SMU1: variants seen among roughly 807,000 people sequenced by gnomAD.
SMU1 encodes the protein SMU1 DNA replication regulator and spliceosomal factor.
SMU1 carries 2 observed loss-of-function variants against 62.0 expected under a neutral mutation model. The ratio of observed to expected loss-of-function variants is 0.03; its 90% confidence interval spans 0.01 to 0.10. SMU1 has a LOEUF of 0.10. Ranked by LOEUF, SMU1 falls within the 10% of genes least tolerant of loss-of-function variation. The probability of loss-of-function intolerance (pLI) is 1.00; values close to 1 mark genes in which losing one functional copy is unlikely to be tolerated. For synonymous variants in SMU1, 188 were observed against 212.4 expected (o/e 0.89, Z 1.00); for missense variants, 227 against 622.1 (o/e 0.36, Z 6.76).
At chr9:33,066,486 GCT>G in intron 4 of SMU1, among the ~76,000 whole-genome samples, 1 of 133,838 alleles carries the variant, frequency 7.5e-6, no homozygotes, top group South Asian at 2.6e-4. Context: ...ACACAGCAAG[GCT>G]CTGTGTTCCA....
chr9:33,048,997 T>C (rs1056400131), intron 10 of SMU1, among the ~76,000 whole-genome samples: 1 of 152,250 alleles, frequency 6.6e-6, no homozygotes, highest in Non-Finnish European at 1.5e-5. Flanking sequence ...AGAGATATTC[T>C]ATGTTCATGA....
At chr9:33,056,999 C>T in intron 7 of SMU1, 35 bp from the exon 8 acceptor site, 1 of 1,588,630 alleles carries the variant, frequency 6.3e-7, no homozygotes, top group South Asian at 1.1e-5. Context: ...TTAAAAAAAC[C>T]TTGTTAAGTG....
intron 9 of SMU1, among the ~76,000 whole-genome samples, chr9:33,054,724 A>G (rs17227872): frequency 0.07 from 10,724 of 152,284 alleles, 511 homozygotes; most frequent in Non-Finnish European, 0.11. Flanking sequence ...CATGGAGCTT[A>G]GCAGAAAGCA....
At chr9:33,051,475 T>C (rs1839248259) in intron 10 of SMU1, among the ~76,000 whole-genome samples, 1 of 152,194 alleles carries the variant, frequency 6.6e-6, no homozygotes, top group Admixed American at 6.5e-5. Flanking sequence ...TGTGTGTTAA[T>C]GATGTACCAA....
intron 6 of SMU1, among the ~76,000 whole-genome samples, chr9:33,058,702 C>T (rs987190147): frequency 1.3e-5 from 2 of 151,914 alleles, no homozygotes; most frequent in Non-Finnish European, 2.9e-5. Flanking sequence ...CAACTTTATC[C>T]CGCTAAACAA....
chr9:33,074,124 T>C (rs1245796399), intron 1 of SMU1, among the ~76,000 whole-genome samples: 1 of 152,192 alleles, frequency 6.6e-6, no homozygotes, highest in Non-Finnish European at 1.5e-5. Context: ...TGTAGCACAC[T>C]TCACTGAAAT....
At chr9:33,054,585 C>T (rs1230370320) in intron 9 of SMU1, among the ~76,000 whole-genome samples, 1 of 152,128 alleles carries the variant, frequency 6.6e-6, no homozygotes, top group African/African-American at 2.4e-5. Flanking sequence ...AATCAGGTAG[C>T]ACAGAAATCT....
chr9:33,056,336 A>C, intron 8 of SMU1, 97 bp from the exon 9 acceptor site: 115 of 1,231,980 alleles, frequency 9.3e-5, no homozygotes, highest in Non-Finnish European at 1.1e-4. Context: ...ACAGAAGCTC[A>C]TGTTATAATA....
At chr9:33,064,817 A>G (rs1358519503) in intron 4 of SMU1, among the ~76,000 whole-genome samples, 1 of 151,194 alleles carries the variant, frequency 6.6e-6, no homozygotes, top group Non-Finnish European at 1.5e-5. Context: ...ATCTTGGCTC[A>G]CTGCAAACTC....
At chr9:33,069,504 T>G (rs1487904627) in intron 3 of SMU1, among the ~76,000 whole-genome samples, 1 of 152,208 alleles carries the variant, frequency 6.6e-6, no homozygotes, top group Non-Finnish European at 1.5e-5. Context: ...GACAAGGGAT[T>G]AATAACCAGA....
chr9:33,074,306 TTTTTTAAA>T (rs1431184497), intron 1 of SMU1, among the ~76,000 whole-genome samples: 1 of 152,120 alleles, frequency 6.6e-6, no homozygotes, highest in East Asian at 1.9e-4. Context: ...CTACAAATTT[TTTTTTAAA>T]TTAGCCAAAC....
chr9:33,056,065 C>A (rs1483380781), intron 9 of SMU1, 48 bp downstream of exon 9: 2 of 1,561,632 alleles, frequency 1.3e-6, no homozygotes, highest in South Asian at 1.2e-5. Context: ...CCTCAAAGGA[C>A]AAAGATGGGG....
At chr9:33,063,466 C>G (rs1381883542) in intron 4 of SMU1, among the ~76,000 whole-genome samples, 1 of 152,160 alleles carries the variant, frequency 6.6e-6, no homozygotes, top group Non-Finnish European at 1.5e-5. Context: ...TGTTTATTCC[C>G]CTTTCCTTTT....
chr9:33,063,067 A>T (rs1308326470), intron 4 of SMU1, among the ~76,000 whole-genome samples: 2 of 152,224 alleles, frequency 1.3e-5, no homozygotes, highest in Non-Finnish European at 2.9e-5. Flanking sequence ...CGGGAAAAAA[A>T]GCCTAATTCG....
In SMU1 at chr9:33,047,001, AGAG is replaced by A. The variant is rs1443311594; in HGVS notation, c.*289_*291del. ...ATTTTCCTCAGCATTTCAAATAATC[AGAG>A]GAGTAGAATTTTTTTCTAGAAATAT... is the stretch of plus-strand genomic sequence containing the variant. On this transcript the variant is annotated 3_prime_UTR_variant, in exon 12 of 12. Transcript: ENST00000397149. 3 of 247,024 alleles carry A rather than the reference AGAG, an allele frequency of 1.2e-5. No homozygotes were observed. The highest frequency in any genetic ancestry group is 2.3e-5 in the Non-Finnish European group (3 of 130,542). The allele number at this position is 247,024 out of a possible 1,614,324, so 15.3% of individuals were successfully genotyped here. A position where few individuals can be genotyped will look rare whatever the true frequency, so the allele number is the denominator to read the frequency against.
chr9:33,053,092 TC>T, intron 10 of SMU1, 30 bp downstream of exon 10: 2 of 1,601,412 alleles, frequency 1.2e-6, no homozygotes, highest in African/African-American at 1.3e-5. Context: ...GGCCCACAGT[TC>T]CTGTGCAAGG....
intron 1 of SMU1, among the ~76,000 whole-genome samples, chr9:33,075,127 A>G (rs1185412753): frequency 6.6e-6 from 1 of 152,148 alleles, no homozygotes; most frequent in Non-Finnish European, 1.5e-5. Context: ...CTGTAATCTC[A>G]CCACTTTGGA....
intron 1 of SMU1, among the ~76,000 whole-genome samples, chr9:33,076,205 TA>T (rs1178432538): frequency 6.6e-6 from 1 of 152,158 alleles, no homozygotes; most frequent in Non-Finnish European, 1.5e-5. Context: ...TCACATTGCA[TA>T]AGCTGGACAG....
At chr9:33,054,340 G>C (rs1306108776) in intron 9 of SMU1, among the ~76,000 whole-genome samples, 1 of 152,074 alleles carries the variant, frequency 6.6e-6, no homozygotes, top group East Asian at 1.9e-4. Flanking sequence ...TTTAGCTTGA[G>C]ACTCTATCCT....
Sources: allele counts gnomAD v4.1 joint callset (sites outside exome capture counted in the v4.1 genomes callset), GRCh38; gene constraint gnomAD v4.1.1; transcripts MANE v1.5; gene names NCBI Gene and HGNC (gene_info 2026-07-23, HGNC 2026-07-21).